The following SOX7 variants were observed in gnomAD, a reference collection of about 807,000 sequenced individuals.
SOX7 encodes the protein transcription factor SOX-7.
A neutral mutation model predicts 24.9 loss-of-function variants in SOX7; 19 were observed. The ratio of observed to expected loss-of-function variants is 0.76; its 90% CI spans 0.53 to 1.12. The LOEUF (loss-of-function observed/expected upper bound fraction) is 1.12. Ranked by LOEUF, SOX7 falls within the 50% of genes most tolerant of loss-of-function variation. The probability of loss-of-function intolerance (pLI) is 0.00; values close to 1 mark genes in which losing one functional copy is unlikely to be tolerated. For synonymous variants in SOX7, 327 were observed against 244.5 expected, an observed-to-expected ratio of 1.34 and a Z score of -3.15; for missense variants, 702 against 535.0, an observed-to-expected ratio of 1.31 and a Z score of -3.08.
In SOX7 at chr8:10,730,327, G is replaced by A. The variant is rs2129063698; in HGVS notation, c.107C>T (p.Pro36Leu). ...GQSPPAVPRPPGDKGSESRIR... is the reference protein window; with the variant it reads ...GQSPPAVPRPLGDKGSESRIR... ...ACGGCTCTCGGAGCCCTTGTCCCCC[G>A]GGGGCCGGGGGACGGCCGGCGGCGA... Residue 36 changes from proline to leucine, a missense_variant, in exon 1 of 2, where the codon CCG becomes CTG. Transcript: ENST00000304501. The surrounding 1 kb of genome is among the most constrained non-coding windows in gnomAD (Gnocchi z 4.8). 1 of 1,566,048 alleles carries A rather than the reference G, an allele frequency of 6.4e-7. No homozygotes were observed. The highest frequency in any genetic ancestry group is 1.4e-5 in the African/African-American group (1 of 70,506).
chr8:10,726,097 T>C lies in SOX7; in HGVS notation c.808A>G (p.Met270Val), dbSNP rs1429530792. 7 of 1,564,062 alleles carry C rather than the reference T, an allele frequency of 4.5e-6. No homozygotes were observed. The highest frequency in any genetic ancestry group is 8.6e-7 in the Non-Finnish European group (1 of 1,156,484). The change falls in exon 2 of 2, where the codon ATG (methionine) becomes GTG (valine). Residue 270 changes from methionine (M) to valine (V), a missense_variant. By Grantham distance (21) the Met-to-Val change is conservative. Coordinates refer to ENST00000304501, the MANE Select transcript of SOX7 (RefSeq NM_031439.4). The stretch of plus-strand genomic sequence containing the variant: ...GGACAGCCGGGTACAGGGGACATCA[T>C]GGAGACGCCGGGGGACTGGCCAAGG... ...LALGQSPGVS[M>V]MSPVPGCPPS...
chr8:10,726,538 T>A lies in SOX7; in HGVS notation c.367A>T (p.Lys123Ter). The A allele has an allele frequency of 6.2e-7, 1 of 1,612,598 alleles. No individual in the cohort carries two copies. The highest frequency in any genetic ancestry group is 8.5e-7 in the Non-Finnish European group (1 of 1,179,970). The change falls in exon 2 of 2, where the codon AAG (lysine) becomes TAG (stop). Residue 123 changes from lysine (K) to a stop codon, truncating the protein, a stop_gained. Coordinates refer to ENST00000304501, the MANE Select transcript of SOX7 (RefSeq NM_031439.4). LOFTEE classifies it high-confidence loss of function. ...KYRPRRKKQA[K>*]RLCKRVDPGF... ...GGGTCCACGCGCTTGCACAGCCGCT[T>A]GGCCTGCTTCTTCCTGCGCGGCCGG...
chr8:10,725,860 T>A lies in SOX7; in HGVS notation c.1045A>T (p.Met349Leu), dbSNP rs368629237. 20 of 1,614,088 alleles carry A rather than the reference T, an allele frequency of 1.2e-5. No individual in the cohort carries two copies. Among genetic ancestry groups the A allele is most frequent in the Admixed American group, 3.3e-5 (2 of 60,014 alleles). Residue 349 changes from methionine (M) to leucine (L), a missense_variant, in exon 2 of 2, where the codon ATG (methionine) becomes TTG (leucine). By Grantham distance (15) the Met-to-Leu change is conservative (BLOSUM62 2). Coordinates refer to ENST00000304501, the MANE Select transcript of SOX7 (RefSeq NM_031439.4). The stretch of plus-strand genomic sequence containing the variant: ...ACCGGAACATGCCCACTGAGGGCCA[T>A]GGCCCCTGTGGCGGAGTCTGGGTGG... ...PGHPDSATGA[M>L]ALSGHVPVSQ...
At position 10,725,993 on chromosome 8, in the gene SOX7, G is replaced by A. The variant is rs1166668670; in HGVS notation, c.912C>T (p.Ser304=). 6.2e-7 allele frequency: 1 copy of A among 1,600,388 alleles called. No individual in the cohort carries two copies. Among genetic ancestry groups the A allele is most frequent in the Non-Finnish European group, 8.5e-7 (1 of 1,172,086 alleles). ...CGAAGCCAGGGTGCTCAGGAGGCGGGGAAAGCTGGCCCAGGTGGGCTTGGA... is the reference window on the plus strand; with the variant it reads ...CGAAGCCAGGGTGCTCAGGAGGCGGAGAAAGCTGGCCCAGGTGGGCTTGGA... ...SNLQAHLGQL[S]PPPEHPGFDA... The change falls in exon 2 of 2, where the codon TCC becomes TCT. Residue 304 remains serine (S), a synonymous_variant. Transcript: ENST00000304501.
At position 10,726,299 on chromosome 8, in the gene SOX7, G is replaced by A. The variant is rs138069173; in HGVS notation, c.606C>T (p.Pro202=). 78 of 1,613,674 alleles carry A rather than the reference G, an allele frequency of 4.8e-5. No individual in the cohort carries two copies. The Middle Eastern group carries it at 1.6e-3, about 34-fold the overall frequency. ...SSVDTYPYGL[P]TPPEMSPLDV... ...CCAGGGGAGACATTTCAGGAGGTGT[G>A]GGCAGCCCGTACGGGTACGTGTCCA... is the stretch of plus-strand genomic sequence containing the variant. The change falls in exon 2 of 2, where the codon CCC becomes CCT. Residue 202 remains proline, a synonymous_variant. Coordinates refer to ENST00000304501, the MANE Select transcript of SOX7 (RefSeq NM_031439.4).
intron 1 of SOX7, among the ~76,000 whole-genome samples, chr8:10,727,571 G>A (rs1168661896): frequency 6.6e-6 from 1 of 152,194 alleles, no homozygotes; most frequent in Non-Finnish European, 1.5e-5. Context: ...GTGCTAATAT[G>A]CTGGCTGCGC....
Position 10,726,368 on chromosome 8 carries a change from G to A in SOX7, c.537C>T (p.His179=), listed in dbSNP as rs762642640. The part of the protein sequence containing the change: ...TALPSLRGCY[H]EGPAGGGGGG... ...CGCCGCCACCACCAGCCGGCCCCTC[G>A]TGGTAGCAGCCCCGGAGGCTGGGCA... The change falls in exon 2 of 2, where the codon CAC becomes CAT. Residue 179 remains histidine, a synonymous_variant. Transcript: ENST00000304501. 6.2e-7 allele frequency: 1 copy of A among 1,612,724 alleles called. No individual in the cohort carries two copies. The highest frequency in any genetic ancestry group is 1.1e-5 in the South Asian group (1 of 91,006).
chr8:10,728,210 T>A (rs1358580849), intron 1 of SOX7, among the ~76,000 whole-genome samples: 1 of 152,240 alleles, frequency 6.6e-6, no homozygotes, highest in Non-Finnish European at 1.5e-5. Flanking sequence ...TGTACCTGGA[T>A]GTTATATAAC....
At chr8:10,729,597 C>T (rs1382593168) in intron 1 of SOX7, 1 of 152,266 alleles carries the variant, frequency 6.6e-6, no homozygotes, top group African/African-American at 2.4e-5. Context: ...ACCTTCGAGA[C>T]TGAGCAATAG....
At chr8:10,729,827 C>T (rs1800224976) in intron 1 of SOX7, among the ~76,000 whole-genome samples, 1 of 152,082 alleles carries the variant, frequency 6.6e-6, no homozygotes, top group Non-Finnish European at 1.5e-5. Flanking sequence ...GCCTGTTCCA[C>T]CCAGCCTCAA....
Position 10,726,045 on chromosome 8 carries a change from G to A in SOX7, c.860C>T (p.Ala287Val), listed in dbSNP as rs1463686246. The A allele has an allele frequency of 7.6e-6, 12 of 1,570,288 alleles. No homozygotes were observed. The highest frequency in any genetic ancestry group is 1.2e-5 in the South Asian group (1 of 82,384). The part of the protein sequence containing the change: ...CPPSPAYYSP[A>V]TYHPLHSNLQ... ...GTTGGAGTGGAGTGGGTGGTAGGTGGCCGGGGAGTAATAGGCAGGAGATGG... is the reference window on the plus strand; with the variant it reads ...GTTGGAGTGGAGTGGGTGGTAGGTGACCGGGGAGTAATAGGCAGGAGATGG... Residue 287 changes from alanine (A) to valine (V), a missense_variant, in exon 2 of 2, where the codon GCC (alanine) becomes GTC (valine). Ala to Val is a moderately conservative substitution (Grantham distance 64). Coordinates refer to ENST00000304501, the MANE Select transcript of SOX7 (RefSeq NM_031439.4).
chr8:10,726,448 G>C lies in SOX7; in HGVS notation c.457C>G (p.Arg153Gly). The change falls in exon 2 of 2, where the codon CGG (arginine) becomes GGG (glycine). Residue 153 changes from arginine (R) to glycine (G), a missense_variant. Arg to Gly is a moderately radical substitution (Grantham distance 125, BLOSUM62 -2). Coordinates refer to ENST00000304501, the MANE Select transcript of SOX7 (RefSeq NM_031439.4). ...NALPEKRSGS[R>G]GALGEKEDRG... Reference sequence around the variant, plus strand: ...TCCTCCTTCTCCCCCAGCGCCCCCCGGCTGCCGCTTCTCTTCTCCGGCAGG... The same window carrying C: ...TCCTCCTTCTCCCCCAGCGCCCCCCCGCTGCCGCTTCTCTTCTCCGGCAGG... The C allele has an allele frequency of 6.2e-7, 1 of 1,612,184 alleles. No homozygotes were observed. Among genetic ancestry groups the C allele is most frequent in the Non-Finnish European group, 8.5e-7 (1 of 1,179,720 alleles).
rs1255056799 is a variant in SOX7 at position 10,724,500 on chromosome 8, T to C, written c.*1238A>G. The C allele has an allele frequency of 2.0e-5, 3 of 152,206 alleles. No homozygotes were observed. Among genetic ancestry groups the C allele is most frequent in the Non-Finnish European group, 4.4e-5 (3 of 68,058 alleles). The allele number at this position is 152,206 out of a possible 1,614,324, so 9.4% of individuals were successfully genotyped here. On this transcript the variant is annotated 3_prime_UTR_variant, in exon 2 of 2. Transcript: ENST00000304501. ...AGCCGGGAAGGAAGCACCTTTTGAA[T>C]CTACAGAGGGGAAAGTGTGTATCCA...
At chr8:10,727,437 A>T (rs1310090547) in intron 1 of SOX7, among the ~76,000 whole-genome samples, 1 of 152,200 alleles carries the variant, frequency 6.6e-6, no homozygotes, top group South Asian at 2.1e-4. Context: ...ACAGATCTCC[A>T]TGCAGAAGCC....
rs1294241762 is a variant in SOX7 at position 10,724,248 on chromosome 8, T to G, written c.*1490A>C. The G allele has an allele frequency of 6.6e-6, 1 of 152,200 alleles. No homozygotes were observed. The highest frequency in any genetic ancestry group is 2.4e-5 in the African/African-American group (1 of 41,454). 9.4% of individuals were successfully genotyped at this position (152,200 alleles called of 1,614,324 possible). A position where few individuals can be genotyped will look rare whatever the true frequency, so the allele number is the denominator to read the frequency against. On this transcript the variant is annotated 3_prime_UTR_variant, in exon 2 of 2. Coordinates refer to ENST00000304501, the MANE Select transcript of SOX7 (RefSeq NM_031439.4). ...GGGGTCCAGGGCTCAGAAACATTTT[T>G]GGAATCACAGTGAGTTTCTGATTTG... is the stretch of plus-strand genomic sequence containing the variant.
chr8:10,725,126 C>G lies in SOX7; in HGVS notation c.*612G>C, dbSNP rs1800115422. Reference sequence around the variant, plus strand: ...TAAAATAAAATAGTTTTAACTCAATCCCATTTTCTGTGATATAGTTAGCCA... The same window carrying G: ...TAAAATAAAATAGTTTTAACTCAATGCCATTTTCTGTGATATAGTTAGCCA... On this transcript the variant is annotated 3_prime_UTR_variant, in exon 2 of 2. Transcript: ENST00000304501. 6.5e-6 allele frequency: 1 copy of G among 153,314 alleles called. No homozygotes were observed. Among genetic ancestry groups the G allele is most frequent in the African/African-American group, 2.4e-5 (1 of 41,458 alleles). 9.5% of individuals were successfully genotyped at this position (153,314 alleles called of 1,614,324 possible).
rs1800162061 is a variant in SOX7, at chr8:10,726,637, G to GGGACA, written c.263_267dup (p.Gln90CysfsTer48). 2 of 1,591,918 alleles carry GGGACA rather than the reference G, an allele frequency of 1.3e-6. No individual in the cohort carries two copies. Among genetic ancestry groups the GGGACA allele is most frequent in the Non-Finnish European group, 1.7e-6 (2 of 1,172,602 alleles). On this transcript the variant is annotated frameshift_variant, in exon 2 of 2. Transcript: ENST00000304501. LOFTEE classifies it high-confidence loss of function. ...GCCTCGTCCACGTACGGCCTCTTCT[G>GGGACA]GGACAGCGTCAGCGCCTTCCACGAC...
In SOX7 at chr8:10,726,443, C is replaced by T. The variant is rs903775933; in HGVS notation, c.462G>A (p.Gly154=). The change falls in exon 2 of 2, where the codon GGG becomes GGA. Residue 154 remains glycine, a synonymous_variant. Transcript: ENST00000304501. The stretch of plus-strand genomic sequence containing the variant: ...CCCTGTCCTCCTTCTCCCCCAGCGC[C>T]CCCCGGCTGCCGCTTCTCTTCTCCG... ...ALPEKRSGSR[G]ALGEKEDRGE... The T allele has an allele frequency of 1.9e-6, 3 of 1,612,084 alleles. No individual in the cohort carries two copies. Among genetic ancestry groups the T allele is most frequent in the Admixed American group, 1.7e-5 (1 of 59,964 alleles).
At position 10,724,420 on chromosome 8, in the gene SOX7, G is replaced by C. The variant is rs1398072253; in HGVS notation, c.*1318C>G. 6.6e-6 allele frequency: 1 copy of C among 152,348 alleles called. No homozygotes were observed. Among genetic ancestry groups the C allele is most frequent in the Non-Finnish European group, 1.5e-5 (1 of 68,132 alleles). The allele number at this position is 152,348 out of a possible 1,614,324, so 9.4% of individuals were successfully genotyped here. A position where few individuals can be genotyped will look rare whatever the true frequency, so the allele number is the denominator to read the frequency against. Reference sequence around the variant, plus strand: ...AGGGACCAGTTCAGCAGTGGAGGAAGAGCAGAAAGAAGAGAAAAAGAAATC... The same window carrying C: ...AGGGACCAGTTCAGCAGTGGAGGAACAGCAGAAAGAAGAGAAAAAGAAATC... On this transcript the variant is annotated 3_prime_UTR_variant, in exon 2 of 2. Transcript: ENST00000304501.
Sources: allele counts gnomAD v4.1 joint callset (sites outside exome capture counted in the v4.1 genomes callset), GRCh38; gene constraint gnomAD v4.1.1; non-coding constraint Gnocchi (gnomAD v3.1); transcripts MANE v1.5; gene names NCBI Gene and HGNC (gene_info 2026-07-23, HGNC 2026-07-21).